BOLL: variants seen among roughly 807,000 people sequenced by gnomAD.
The protein encoded by BOLL is protein boule-like.
A neutral mutation model predicts 44.4 loss-of-function variants in BOLL; 23 were observed. The ratio of observed to expected loss-of-function variants is 0.52; its 90% CI spans 0.37 to 0.73. The LOEUF is 0.73. Ranked by LOEUF, BOLL falls within the 30% of genes least tolerant of loss-of-function variation. BOLL has a pLI of 0.00. For synonymous variants in BOLL, 97 were observed against 110.8 expected (o/e 0.88, Z 0.78); for missense variants, 287 against 338.3 (o/e 0.85, Z 1.19).
intron 8 of BOLL, 86 bp from the exon 9 acceptor site, chr2:197,756,642 AC>A: frequency 7.7e-7 from 1 of 1,304,178 alleles, no homozygotes; most frequent in Non-Finnish European, 1.0e-6. Flanking sequence ...TGAGAGAAGT[AC>A]TTGTTTTTTA....
chr2:197,751,802 A>G (rs1257665599), intron 9 of BOLL, among the ~76,000 whole-genome samples: 1 of 152,032 alleles, frequency 6.6e-6, no homozygotes, highest in Admixed American at 6.5e-5. Flanking sequence ...TTGTGAGGCC[A>G]GCATCATCCT....
chr2:197,766,479 C>G lies in BOLL; in HGVS notation c.552+53G>C, dbSNP rs116809372. On this transcript the variant is annotated intron_variant, in intron 7 of 10. Coordinates refer to ENST00000392296, the MANE Select transcript of BOLL (RefSeq NM_033030.6). ...TGAGAAAGAAATAAATGAAAGTTAG[C>G]TAAGAAAGGACTGAAAGTTTCAGAG... 1.7e-4 allele frequency: 236 copies of G among 1,391,982 alleles called. No homozygotes were observed. In the African/African-American group the frequency reaches 3.0e-3, roughly 18 times the overall value. 86.2% of individuals were successfully genotyped at this position (1,391,982 alleles called of 1,614,324 possible).
At chr2:197,760,818 A>C (rs1688722540) in intron 7 of BOLL, among the ~76,000 whole-genome samples, 1 of 152,234 alleles carries the variant, frequency 6.6e-6, no homozygotes, top group Non-Finnish European at 1.5e-5. Flanking sequence ...TCAAAGAGAA[A>C]GAAAGAATTT....
At chr2:197,773,496 C>T (rs1351972477) in intron 5 of BOLL, among the ~76,000 whole-genome samples, 1 of 151,694 alleles carries the variant, frequency 6.6e-6, no homozygotes, top group Non-Finnish European at 1.5e-5. Context: ...ATACATGAGG[C>T]ATTATAGGGT....
At chr2:197,729,391 G>A (rs1421760189) in intron 10 of BOLL, among the ~76,000 whole-genome samples, 2 of 152,186 alleles carry the variant, frequency 1.3e-5, no homozygotes, top group African/African-American at 4.8e-5. Flanking sequence ...CTGGGGGAGG[G>A]GCGCCCGCCA....
intron 9 of BOLL, among the ~76,000 whole-genome samples, chr2:197,750,190 A>T (rs1361631204): frequency 6.6e-6 from 1 of 152,192 alleles, no homozygotes; most frequent in Non-Finnish European, 1.5e-5. Flanking sequence ...TGACTGCAAA[A>T]ACATACCAAA....
rs186125548 is a variant in BOLL at position 197,776,813 on chromosome 2, A to G, written c.276+246T>C. ...TTCAAAATGCTATTAACACTTCGCA[A>G]AAGATATATCCCCAAGTTCTTAATT... On this transcript the variant is annotated intron_variant, in intron 4 of 10. Coordinates refer to ENST00000392296, the MANE Select transcript of BOLL (RefSeq NM_033030.6). Among the ~76,000 whole-genome samples the G allele has an allele frequency of 4.0e-3, 610 of 152,014 alleles. 3 individuals are homozygous for G. The highest frequency in any genetic ancestry group is 0.014 in the African/African-American group (588 of 41,510).
At position 197,765,451 on chromosome 2, in the gene BOLL, A is replaced by G. The variant is rs1053951370; in HGVS notation, c.552+1081T>C. On this transcript the variant is annotated intron_variant, in intron 7 of 10. Transcript: ENST00000392296. ...GGATGACTATAGTTAACAATAATAC[A>G]TAGTTTCAAATAGCTAGGAGGCTAT... Among the ~76,000 whole-genome samples the G allele has an allele frequency of 9.2e-5, 14 of 152,206 alleles. 1 individual carries two copies. The South Asian group carries it at 1.2e-3, about 14-fold the overall frequency.
intron 1 of BOLL, 78 bp from the exon 2 acceptor site, chr2:197,781,943 T>C (rs1170572733): frequency 6.1e-6 from 8 of 1,313,766 alleles, no homozygotes; most frequent in Non-Finnish European, 7.0e-6. Context: ...AAAACATATA[T>C]TTTTCAAAAA....
intron 10 of BOLL, among the ~76,000 whole-genome samples, chr2:197,737,623 G>C (rs1435855425): frequency 6.6e-6 from 1 of 152,022 alleles, no homozygotes; most frequent in Non-Finnish European, 1.5e-5. Context: ...CAGAATACAA[G>C]ACAATTTGAG....
chr2:197,785,955 G>T (rs1690055111), upstream of BOLL: 2 of 1,563,026 alleles, frequency 1.3e-6, no homozygotes, highest in Non-Finnish European at 8.8e-7. This position sits in a 1 kb window ranked among gnomAD's most constrained non-coding sequence, Gnocchi z 6.7. Flanking sequence ...GCTATCCCGC[G>T]CCCTGGGGCC....
chr2:197,784,904 G>C lies in BOLL; in HGVS notation c.-16+152C>G, dbSNP rs148280559. The C allele has an allele frequency of 8.1e-3, 8,024 of 987,012 alleles. 36 individuals carry two copies. The highest frequency in any genetic ancestry group is 9.1e-3 in the Non-Finnish European group (7,528 of 829,928). The allele number at this position is 987,012 out of a possible 1,614,324, so 61.1% of individuals were successfully genotyped here. ...ATGGGGACTGTTGCCGGGTTTGAAG[G>C]CTCCTCCGTTTGCTAAAACTTCCAG... On this transcript the variant is annotated intron_variant, in intron 1 of 10. Transcript: ENST00000392296.
intron 9 of BOLL, chr2:197,755,879 T>G (rs1688495434): frequency 6.6e-6 from 1 of 152,162 alleles, no homozygotes; most frequent in African/African-American, 2.4e-5. Flanking sequence ...CCTACACATA[T>G]GTACTGGAAC....
chr2:197,736,526 A>C lies in BOLL; in HGVS notation c.828+6535T>G, dbSNP rs577083581. ...TCGTTTTGCTAATTGTTTCAATTATAAGCTGTTAGAAGTTGAGTGAAGAGA... is the reference window on the plus strand; with the variant it reads ...TCGTTTTGCTAATTGTTTCAATTATCAGCTGTTAGAAGTTGAGTGAAGAGA... On this transcript the variant is annotated intron_variant, in intron 10 of 10. Coordinates refer to ENST00000392296, the MANE Select transcript of BOLL (RefSeq NM_033030.6). Among the ~76,000 whole-genome samples, 19 of 151,650 alleles carry C rather than the reference A, an allele frequency of 1.3e-4. No homozygotes were observed. In the East Asian group the frequency reaches 1.7e-3, roughly 14 times the overall value.
chr2:197,758,292 A>G (rs1225063835), intron 7 of BOLL, among the ~76,000 whole-genome samples: 6 of 152,246 alleles, frequency 3.9e-5, no homozygotes, highest in Non-Finnish European at 8.8e-5. Context: ...AATGTGGTAC[A>G]GTGTATCCAT....
chr2:197,775,804 G>T, intron 4 of BOLL, 64 bp from the exon 5 acceptor site: 2 of 968,702 alleles, frequency 2.1e-6, no homozygotes, highest in Non-Finnish European at 1.5e-6. Context: ...AATCAATAAG[G>T]AAAAACTAGT....
At chr2:197,781,629 A>G in intron 2 of BOLL, 93 bp downstream of exon 2, 1 of 1,187,822 alleles carries the variant, frequency 8.4e-7, no homozygotes, top group South Asian at 2.4e-5. Context: ...CATTATGCAA[A>G]TATGTTATTT....
At chr2:197,732,594 T>G (rs1687247740) in intron 10 of BOLL, among the ~76,000 whole-genome samples, 1 of 150,590 alleles carries the variant, frequency 6.6e-6, no homozygotes, top group Non-Finnish European at 1.5e-5. Flanking sequence ...CAGCAGCACA[T>G]CAAAAAGCTT....
upstream of BOLL, chr2:197,786,049 AAAGTTTGAAACC>A: frequency 6.2e-7 from 1 of 1,602,074 alleles, no homozygotes; most frequent in Non-Finnish European, 8.5e-7. The surrounding 1 kb of genome is among the most constrained non-coding windows in gnomAD (Gnocchi z 5.9). Flanking sequence ...AAAGAAGCCT[AAAGTTTGAAACC>A]ACCTTCACGC....
Sources: allele counts gnomAD v4.1 joint callset (sites outside exome capture counted in the v4.1 genomes callset), GRCh38; gene constraint gnomAD v4.1.1; non-coding constraint Gnocchi (gnomAD v3.1); transcripts MANE v1.5; gene names NCBI Gene and HGNC (gene_info 2026-07-23, HGNC 2026-07-21).